Variants in DENND4C observed in about 807,000 individuals in gnomAD.
DENND4C encodes the protein DENN domain-containing protein 4C.
A neutral mutation model predicts 203.0 loss-of-function variants in DENND4C; 108 were observed. The ratio of observed to expected loss-of-function variants is 0.53; its 90% confidence interval spans 0.46 to 0.62. The LOEUF (loss-of-function observed/expected upper bound fraction) is 0.62. DENND4C is among the 20% of genes least tolerant of loss of function. The pLI, the probability that DENND4C is intolerant of heterozygous loss-of-function variation, is 0.00. For synonymous variants in DENND4C, 871 were observed against 792.4 expected, an observed-to-expected ratio of 1.10 and a Z score of -1.67; for missense variants, 2,481 against 2,301.2, an observed-to-expected ratio of 1.08 and a Z score of -1.60.
At chr9:19,316,907 C>G in intron 12 of DENND4C, 68 bp downstream of exon 12, 4 of 1,319,986 alleles carry the variant, frequency 3.0e-6, no homozygotes, top group Non-Finnish European at 3.1e-6. Context: ...ATGTTGCTGC[C>G]AAGAAATACT....
At chr9:19,300,594 A>G (rs1391739887) in intron 9 of DENND4C, among the ~76,000 whole-genome samples, 1 of 152,186 alleles carries the variant, frequency 6.6e-6, no homozygotes, top group Non-Finnish European at 1.5e-5. Context: ...CAGAGTAAAA[A>G]CTATATGATT....
At chr9:19,313,753 G>C (rs548387505) in intron 10 of DENND4C, among the ~76,000 whole-genome samples, 3 of 152,342 alleles carry the variant, frequency 2.0e-5, no homozygotes, top group African/African-American at 7.2e-5. Flanking sequence ...GGGAGCACTT[G>C]AAGTTAGTTA....
At chr9:19,352,041 C>A in intron 24 of DENND4C, 32 bp from the exon 25 acceptor site, 1 of 1,562,102 alleles carries the variant, frequency 6.4e-7, no homozygotes. Context: ...ACATTCCTTA[C>A]TTAAGGTATT....
At chr9:19,292,737 G>A (rs1836628219) in intron 5 of DENND4C, among the ~76,000 whole-genome samples, 1 of 151,556 alleles carries the variant, frequency 6.6e-6, no homozygotes, top group East Asian at 2.0e-4. Context: ...GTTGAGATGG[G>A]GTTTCACCAT....
chr9:19,291,007 T>C, intron 5 of DENND4C, 131 bp downstream of exon 5: 1 of 865,056 alleles, frequency 1.2e-6, no homozygotes, highest in Non-Finnish European at 1.7e-6. Context: ...TACACTGTCA[T>C]CCCCAAGGTG....
chr9:19,347,095 G>T lies in DENND4C; in HGVS notation c.4317+9G>T. 1 of 1,607,796 alleles carries T rather than the reference G, an allele frequency of 6.2e-7. No individual in the cohort carries two copies. The highest frequency in any genetic ancestry group is 1.3e-5 in the African/African-American group (1 of 74,836). On this transcript the variant is annotated intron_variant, in intron 23 of 32. Coordinates refer to ENST00000434457, the MANE Select transcript of DENND4C (RefSeq NM_001330640.2). Reference sequence around the variant, plus strand: ...GCTACTCAGATGATGAGGTAAGAAAGCTTTATGTGTGTAGTCTGTCTGCTA... The same window carrying T: ...GCTACTCAGATGATGAGGTAAGAAATCTTTATGTGTGTAGTCTGTCTGCTA...
rs143995759 is a variant in DENND4C, at chr9:19,291,660, G to A, written c.801+784G>A. 2.8e-4 allele frequency among the ~76,000 whole-genome samples: 41 copies of A among 147,756 alleles called. No individual in the cohort carries two copies. In the East Asian group the frequency reaches 8.0e-3, roughly 29 times the overall value. The stretch of plus-strand genomic sequence containing the variant: ...ACAGAGGTTGCAATGAGCTGAGACT[G>A]CACCATTGCACTCCAGCCTAGGCTA... On this transcript the variant is annotated intron_variant, in intron 5 of 32. Transcript: ENST00000434457.
At chr9:19,238,195 G>A (rs569011496) in intron 1 of DENND4C, among the ~76,000 whole-genome samples, 4 of 151,164 alleles carry the variant, frequency 2.6e-5, no homozygotes, top group South Asian at 2.1e-4. Flanking sequence ...CGATTCTCCT[G>A]CCTCAGCCTG....
chr9:19,338,919 CA>C (rs1419389685), intron 20 of DENND4C, among the ~76,000 whole-genome samples: 2 of 152,176 alleles, frequency 1.3e-5, no homozygotes, highest in African/African-American at 4.8e-5. Context: ...CTTTTATTGA[CA>C]TCTTTATACT....
chr9:19,306,324 C>A (rs1170424592), intron 10 of DENND4C, among the ~76,000 whole-genome samples: 1 of 151,860 alleles, frequency 6.6e-6, no homozygotes, highest in Admixed American at 6.6e-5. Flanking sequence ...TTTATGTGAA[C>A]CAAAAAAATA....
rs1325237574 is a variant in DENND4C at position 19,372,751 on chromosome 9, AGCTACTCAGGCTGAGGCAGGAGAATC to A, written c.*582_*607del. 6.6e-6 allele frequency: 1 copy of A among 151,440 alleles called. No individual in the cohort carries two copies. The highest frequency in any genetic ancestry group is 2.4e-5 in the African/African-American group (1 of 41,118). 9.4% of individuals were successfully genotyped at this position (151,440 alleles called of 1,614,324 possible). On this transcript the variant is annotated 3_prime_UTR_variant, in exon 33 of 33. Transcript: ENST00000434457. The stretch of plus-strand genomic sequence containing the variant: ...TAGCCAGGCGCACCACTGTAGTCCC[AGCTACTCAGGCTGAGGCAGGAGAATC>A]GCTTGAACTGAGGCAGAGGCTACAG...
chr9:19,310,874 C>G (rs1356067248), intron 10 of DENND4C, among the ~76,000 whole-genome samples: 3 of 151,920 alleles, frequency 2.0e-5, no homozygotes, highest in South Asian at 2.1e-4. Context: ...ATTATAAAAT[C>G]AATTAGTAGT....
intron 2 of DENND4C, among the ~76,000 whole-genome samples, chr9:19,286,365 G>T (rs1359909551): frequency 1.3e-5 from 2 of 152,000 alleles, no homozygotes; most frequent in Non-Finnish European, 2.9e-5. Flanking sequence ...GATTTTTAAA[G>T]CTAAAAAATT....
chr9:19,371,644 T>G (rs533379023), intron 31 of DENND4C, 112 bp from the exon 32 acceptor site: 1 of 601,406 alleles, frequency 1.7e-6, no homozygotes, highest in African/African-American at 1.9e-5. Flanking sequence ...ATTGACATAG[T>G]TATATTACTA....
At chr9:19,330,413 C>T (rs1460528069) in intron 16 of DENND4C, among the ~76,000 whole-genome samples, 1 of 146,534 alleles carries the variant, frequency 6.8e-6, no homozygotes, top group African/African-American at 2.5e-5. Flanking sequence ...GATTTCGGCT[C>T]ACTGCAACCT....
chr9:19,272,289 A>C (rs1831865389), intron 1 of DENND4C, among the ~76,000 whole-genome samples: 1 of 151,074 alleles, frequency 6.6e-6, no homozygotes, highest in South Asian at 2.1e-4. Context: ...GCGTGGTGGG[A>C]CATGCCTGTA....
chr9:19,347,922 G>A (rs1186608277), intron 23 of DENND4C, among the ~76,000 whole-genome samples: 1 of 152,110 alleles, frequency 6.6e-6, no homozygotes, highest in Non-Finnish European at 1.5e-5. Flanking sequence ...GTTATACATA[G>A]AGTTAATCAT....
Position 19,308,608 on chromosome 9 carries a change from T to G in DENND4C, c.1487+3081T>G, listed in dbSNP as rs565005731. 1.4e-3 allele frequency among the ~76,000 whole-genome samples: 218 copies of G among 152,356 alleles called. 4 individuals are homozygous for G. Among genetic ancestry groups the G allele is most frequent in the Non-Finnish European group, 2.0e-3 (137 of 68,020 alleles). ...ATTCCAGATAGCTTCTCCCACATTG[T>G]GACCTGTCATTCCATTGTGTTTATG... On this transcript the variant is annotated intron_variant, in intron 10 of 32. Coordinates refer to ENST00000434457, the MANE Select transcript of DENND4C (RefSeq NM_001330640.2).
chr9:19,338,526 G>A (rs867327200), intron 20 of DENND4C, among the ~76,000 whole-genome samples: 1 of 152,134 alleles, frequency 6.6e-6, no homozygotes, highest in East Asian at 1.9e-4. Context: ...TACTGAATTT[G>A]CAGTGATGGT....
Sources: allele counts gnomAD v4.1 joint callset (sites outside exome capture counted in the v4.1 genomes callset), GRCh38; gene constraint gnomAD v4.1.1; transcripts MANE v1.5; gene names NCBI Gene and HGNC (gene_info 2026-07-23, HGNC 2026-07-21).